Variants in PTMS observed in about 807,000 individuals in gnomAD.
The protein encoded by PTMS is parathymosin.
PTMS carries 5 observed loss-of-function variants against 18.4 expected under a neutral mutation model. The ratio of observed to expected loss-of-function variants is 0.27; its 90% confidence interval spans 0.14 to 0.57. The LOEUF (loss-of-function observed/expected upper bound fraction) is 0.57. Ranked by LOEUF, PTMS falls within the 20% of genes least tolerant of loss-of-function variation. PTMS has a pLI of 0.92. For synonymous variants in PTMS, 53 were observed against 47.7 expected (o/e 1.11, Z -0.46); for missense variants, 93 against 124.6 (o/e 0.75, Z 1.21).
chr12:6,770,182 TGAA>T lies in PTMS; in HGVS notation c.224_226del (p.Glu75del). The T allele has an allele frequency of 3.7e-6, 6 of 1,613,996 alleles. No homozygotes were observed. The highest frequency in any genetic ancestry group is 5.1e-6 in the Non-Finnish European group (6 of 1,179,980). Reference sequence around the variant, plus strand: ...ATGAGGAAGAAGAAGAAGAGGATGATGAAGGGCCCGCGCTGAAGAGAGCTGCCG... The same window carrying T: ...ATGAGGAAGAAGAAGAAGAGGATGATGGGCCCGCGCTGAAGAGAGCTGCCG... On this transcript the variant is annotated inframe_deletion, in exon 4 of 5. Coordinates refer to ENST00000309083, the MANE Select transcript of PTMS (RefSeq NM_002824.6). This position sits in a 1 kb window ranked among gnomAD's most constrained non-coding sequence, Gnocchi z 7.3.
intron 1 of PTMS, chr12:6,769,170 C>G (rs1173851702): frequency 1.7e-5 from 4 of 240,852 alleles, no homozygotes; most frequent in Non-Finnish European, 2.4e-5. Flanking sequence ...CAGGAAAAGG[C>G]CCCAGAGGTA....
chr12:6,768,575 G>A (rs1475561086), intron 1 of PTMS, among the ~76,000 whole-genome samples: 1 of 152,180 alleles, frequency 6.6e-6, no homozygotes, highest in Non-Finnish European at 1.5e-5. Context: ...GATACACAGC[G>A]TGGCACACCA....
chr12:6,769,770 C>T (rs1041768083), intron 2 of PTMS, 96 bp downstream of exon 2: 2 of 1,598,278 alleles, frequency 1.3e-6, no homozygotes, highest in Non-Finnish European at 1.7e-6. Context: ...GGTGCTGGGT[C>T]CTGCCGTTCC....
intron 1 of PTMS, among the ~76,000 whole-genome samples, chr12:6,768,342 A>G (rs1470524171): frequency 6.6e-6 from 1 of 151,958 alleles, no homozygotes; most frequent in Non-Finnish European, 1.5e-5. Flanking sequence ...TGCCATACTG[A>G]CCTTGTGGCA....
In PTMS at chr12:6,770,210, G is replaced by A; in HGVS notation, c.250G>A (p.Glu84Lys). 6 of 1,614,168 alleles carry A rather than the reference G, an allele frequency of 3.7e-6. No individual in the cohort carries two copies. The highest frequency in any genetic ancestry group is 3.4e-6 in the Non-Finnish European group (4 of 1,180,022). The change falls in exon 4 of 5, where the codon GAA becomes AAA. Residue 84 changes from glutamate to lysine, a missense_variant. Transcript: ENST00000309083. This position sits in a 1 kb window ranked among gnomAD's most constrained non-coding sequence, Gnocchi z 7.3. The part of the protein sequence containing the change: ...DEGPALKRAA[E>K]EEDEADPKRQ... ...AGGGCCCGCGCTGAAGAGAGCTGCC[G>A]AAGAGGAGGTTTGGGCTGGGTTGCT...
intron 1 of PTMS, among the ~76,000 whole-genome samples, chr12:6,768,566 A>T (rs1243484717): frequency 6.6e-6 from 1 of 152,200 alleles, no homozygotes; most frequent in African/African-American, 2.4e-5. Context: ...ATGGAATCAG[A>T]TACACAGCGT....
chr12:6,769,011 G>C (rs762877526), intron 1 of PTMS: 5 of 159,126 alleles, frequency 3.1e-5, no homozygotes, highest in Non-Finnish European at 6.8e-5. Context: ...GGCGGGGAGG[G>C]CAGAAAGTGG....
chr12:6,767,832 G>A (rs775826044), intron 1 of PTMS, among the ~76,000 whole-genome samples: 1 of 152,264 alleles, frequency 6.6e-6, no homozygotes, highest in Non-Finnish European at 1.5e-5. Context: ...GCCCGTGTCA[G>A]TTACATGTGT....
In PTMS at chr12:6,770,702, GCT is replaced by G; in HGVS notation, c.*265_*266del. The G allele has an allele frequency of 1.8e-6, 1 of 570,002 alleles. No individual in the cohort carries two copies. The highest frequency in any genetic ancestry group is 3.1e-6 in the Non-Finnish European group (1 of 318,230). The allele number at this position is 570,002 out of a possible 1,614,324, so 35.3% of individuals were successfully genotyped here. On this transcript the variant is annotated 3_prime_UTR_variant, in exon 5 of 5. Coordinates refer to ENST00000309083, the MANE Select transcript of PTMS (RefSeq NM_002824.6). The surrounding 1 kb of genome is among the most constrained non-coding windows in gnomAD (Gnocchi z 7.3). Reference sequence around the variant, plus strand: ...CCCCCAATTGCTCCTCTCTCTCTTTGCTCTCTTTCTCCCTCCCCTACCAGCCT... The same window carrying G: ...CCCCCAATTGCTCCTCTCTCTCTTTGCTCTTTCTCCCTCCCCTACCAGCCT...
chr12:6,769,511 T>C (rs1941810574), intron 1 of PTMS, 92 bp from the exon 2 acceptor site: 5 of 1,382,608 alleles, frequency 3.6e-6, no homozygotes, highest in Non-Finnish European at 4.1e-6. Flanking sequence ...CACACACCTC[T>C]AAGCTCACTA....
chr12:6,769,759 G>A, intron 2 of PTMS, 85 bp downstream of exon 2: 10 of 1,601,770 alleles, frequency 6.2e-6, no homozygotes, highest in Admixed American at 5.1e-5. Context: ...TTCCTTCCGA[G>A]GGTGCTGGGT....
rs925544505 is a variant in PTMS, at chr12:6,766,682, AGCCCCG to A, written c.-9_-4del. 8.3e-5 allele frequency: 93 copies of A among 1,116,698 alleles called. No homozygotes were observed. The African/African-American group carries it at 1.0e-3, about 12-fold the overall frequency. 69.2% of individuals were successfully genotyped at this position (1,116,698 alleles called of 1,614,324 possible). On this transcript the variant is annotated 5_prime_UTR_variant, in exon 1 of 5. Transcript: ENST00000309083. Reference sequence around the variant, plus strand: ...GGCCCCGGGACCCCGGCTCCCCGCCAGCCCCGGCCCCGGCCCCGGCACCATGTCGGA... The same window carrying A: ...GGCCCCGGGACCCCGGCTCCCCGCCAGCCCCGGCCCCGGCACCATGTCGGA...
In PTMS at chr12:6,769,962, C is replaced by A. The variant is rs541372586; in HGVS notation, c.159C>A (p.Ala53=). The A allele has an allele frequency of 1.5e-5, 23 of 1,553,236 alleles. No homozygotes were observed. The highest frequency in any genetic ancestry group is 1.7e-4 in the Middle Eastern group (1 of 6,014). The change falls in exon 3 of 5, where the codon GCC becomes GCA. Residue 53 remains alanine, a synonymous_variant. Transcript: ENST00000309083. The part of the protein sequence containing the change: ...NGAEEEEEET[A]EDGEEEDEGE... ...CTGAGGAGGAAGAAGAAGAAACTGC[C>A]GAGGATGGAGAGGAGGAAGATGAAG...
At position 6,766,596 on chromosome 12, in the gene PTMS, G is replaced by A. The variant is rs1406290490; in HGVS notation, c.-110G>A. On this transcript the variant is annotated 5_prime_UTR_variant, in exon 1 of 5. Coordinates refer to ENST00000309083, the MANE Select transcript of PTMS (RefSeq NM_002824.6). Reference sequence around the variant, plus strand: ...CGCCGCTGCCGCTGTCGCCGCCGCCGCCGCCACCGCGCCAGGTTCCGGCCG... The same window carrying A: ...CGCCGCTGCCGCTGTCGCCGCCGCCACCGCCACCGCGCCAGGTTCCGGCCG... 3 of 561,604 alleles carry A rather than the reference G, an allele frequency of 5.3e-6. No individual in the cohort carries two copies. The highest frequency in any genetic ancestry group is 7.1e-6 in the Non-Finnish European group (3 of 420,382). The allele number at this position is 561,604 out of a possible 1,614,324, so 34.8% of individuals were successfully genotyped here. A position where few individuals can be genotyped will look rare whatever the true frequency, so the allele number is the denominator to read the frequency against.
At chr12:6,767,972 C>A (rs1941794847) in intron 1 of PTMS, among the ~76,000 whole-genome samples, 1 of 152,196 alleles carries the variant, frequency 6.6e-6, no homozygotes, top group South Asian at 2.1e-4. Context: ...TGTCTCCCAT[C>A]GCGTGGGTGC....
At chr12:6,769,787 C>A in intron 2 of PTMS, 113 bp downstream of exon 2, 1 of 1,596,402 alleles carries the variant, frequency 6.3e-7, no homozygotes, top group South Asian at 1.1e-5. Flanking sequence ...TTCCCCTGAG[C>A]CCTGTCACCC....
chr12:6,769,781 C>T, intron 2 of PTMS, 107 bp downstream of exon 2: 1 of 1,597,952 alleles, frequency 6.3e-7, no homozygotes, highest in Non-Finnish European at 8.6e-7. Context: ...CTGCCGTTCC[C>T]CTGAGCCCTG....
At position 6,766,393 on chromosome 12, in the gene PTMS, CG is replaced by C. The variant is rs1303902596; in HGVS notation, c.-308del. On this transcript the variant is annotated 5_prime_UTR_variant, in exon 1 of 5. Coordinates refer to ENST00000309083, the MANE Select transcript of PTMS (RefSeq NM_002824.6). ...CTGGTCGGCGGCAGCTCTGCTGGTG[CG>C]GGGGCGGCGAGCCCGGGATCGAGCT... 1 of 159,056 alleles carries C rather than the reference CG, an allele frequency of 6.3e-6. No homozygotes were observed. Among genetic ancestry groups the C allele is most frequent in the Non-Finnish European group, 1.4e-5 (1 of 72,784 alleles). The allele number at this position is 159,056 out of a possible 1,614,324, so 9.9% of individuals were successfully genotyped here. A position where few individuals can be genotyped will look rare whatever the true frequency, so the allele number is the denominator to read the frequency against.
At chr12:6,767,218 C>T (rs1941778274) in intron 1 of PTMS, 1 of 152,038 alleles carries the variant, frequency 6.6e-6, no homozygotes, top group South Asian at 2.1e-4. Context: ...GGCCCCTCCC[C>T]GCGGCCCGAC....
Sources: gnomAD v4.1 joint callset for allele counts (sites outside exome capture counted in the v4.1 genomes callset) on GRCh38, gnomAD v4.1.1 for gene constraint, Gnocchi (gnomAD v3.1) non-coding constraint, MANE v1.5 for transcripts, NCBI Gene and HGNC (gene_info 2026-07-23, HGNC 2026-07-21) for gene names.